The following ANO3 variants were observed in gnomAD, a reference collection of about 807,000 sequenced individuals.
ANO3 encodes anoctamin 3, also known as anoctamin-3.
Under a neutral mutation model 144.8 loss-of-function variants are expected in ANO3, and 99 were observed. The ratio of observed to expected loss-of-function variants is 0.68; its 90% CI spans 0.58 to 0.81. ANO3 has a LOEUF of 0.81. ANO3 is among the 30% of genes least tolerant of loss of function. The probability of loss-of-function intolerance (pLI) is 0.00; values close to 1 mark genes in which losing one functional copy is unlikely to be tolerated. For synonymous variants in ANO3, 414 were observed against 392.6 expected, an observed-to-expected ratio of 1.05 and a Z score of -0.64; for missense variants, 905 against 1,202.2, an observed-to-expected ratio of 0.75 and a Z score of 3.66.
intron 1 of ANO3, among the ~76,000 whole-genome samples, chr11:26,355,206 T>A (rs1855747830): frequency 6.6e-6 from 1 of 152,154 alleles, no homozygotes; most frequent in Middle Eastern, 3.2e-3. Context: ...TGAGACATGT[T>A]CTCCAGCAGC....
Position 26,508,325 on chromosome 11 carries a change from G to A in ANO3, c.591+63G>A, listed in dbSNP as rs771260539. Reference sequence around the variant, plus strand: ...TGTTGGAACAGATATAATCACTTATGGTTTAGAAAGAAAAATATGTATCAC... The same window carrying A: ...TGTTGGAACAGATATAATCACTTATAGTTTAGAAAGAAAAATATGTATCAC... On this transcript the variant is annotated intron_variant, in intron 5 of 26. Coordinates refer to ENST00000256737, the MANE Select transcript of ANO3 (RefSeq NM_031418.4). 14 of 1,434,704 alleles carry A rather than the reference G, an allele frequency of 9.8e-6. No individual in the cohort carries two copies. In the East Asian group the frequency reaches 3.0e-4, roughly 31 times the overall value. 88.9% of individuals were successfully genotyped at this position (1,434,704 alleles called of 1,614,324 possible).
intron 3 of ANO3, among the ~76,000 whole-genome samples, chr11:26,448,728 TTTTCAGTTATGACAG>T (rs1858803137): frequency 1.3e-5 from 1 of 79,194 alleles, no homozygotes; most frequent in Non-Finnish European, 2.7e-5. Flanking sequence ...AGGAACATAT[TTTTCAGTTATGACAG>T]TCTCACAGTC....
intron 24 of ANO3, among the ~76,000 whole-genome samples, chr11:26,655,595 C>A (rs72881791): frequency 0.024 from 3,674 of 152,174 alleles, 54 homozygotes; most frequent in South Asian, 0.04. Flanking sequence ...TTGTGTGCAT[C>A]TCTCTCCCCT....
chr11:26,209,524 C>T (rs866603028), intron 1 of ANO3, among the ~76,000 whole-genome samples: 4 of 152,110 alleles, frequency 2.6e-5, no homozygotes, highest in African/African-American at 7.2e-5. Context: ...TGGGATTGCT[C>T]GGTCAAATGT....
At chr11:26,379,659 G>T (rs1856530356) in intron 1 of ANO3, among the ~76,000 whole-genome samples, 1 of 152,016 alleles carries the variant, frequency 6.6e-6, no homozygotes, top group Admixed American at 6.6e-5. Flanking sequence ...TGGGTATCAT[G>T]GCATGCACCT....
At chr11:26,516,770 C>A in intron 5 of ANO3, 57 bp from the exon 6 acceptor site, 2 of 1,206,392 alleles carry the variant, frequency 1.7e-6, no homozygotes, top group Non-Finnish European at 1.2e-6. Context: ...CAAACTGTGG[C>A]ATGATATCAT....
At position 26,656,275 on chromosome 11, in the gene ANO3, G is replaced by C. The variant is rs923840595; in HGVS notation, c.2657+70G>C. 10 of 1,500,046 alleles carry C rather than the reference G, an allele frequency of 6.7e-6. No individual in the cohort carries two copies. The African/African-American group carries it at 1.4e-4, about 21-fold the overall frequency. 92.9% of individuals were successfully genotyped at this position (1,500,046 alleles called of 1,614,324 possible). A position where few individuals can be genotyped will look rare whatever the true frequency, so the allele number is the denominator to read the frequency against. ...GTACTCCCCCCTGCATGTTAATGAG[G>C]ACATTTAAACTGTTATTTTGGCATT... On this transcript the variant is annotated intron_variant, in intron 25 of 26. Transcript: ENST00000256737.
In ANO3 at chr11:26,275,880, G is replaced by A. The variant is rs565065431; in HGVS notation, c.155-33765G>A. Among the ~76,000 whole-genome samples the A allele has an allele frequency of 6.6e-5, 10 of 152,180 alleles. 1 individual carries two copies. Among genetic ancestry groups the A allele is most frequent in the African/African-American group, 1.2e-4 (5 of 41,528 alleles). ...TTAAATAATCTTGCTTTTAATTCTCGTTTGGTTGCTTTCTAAATATGTGAC... is the reference window on the plus strand; with the variant it reads ...TTAAATAATCTTGCTTTTAATTCTCATTTGGTTGCTTTCTAAATATGTGAC... On this transcript the variant is annotated intron_variant, in intron 1 of 27. Coordinates refer to the ANO3 transcript ENST00000672621.
intron 17 of ANO3, among the ~76,000 whole-genome samples, chr11:26,620,077 T>C (rs192969664): frequency 6.6e-6 from 1 of 152,290 alleles, no homozygotes; most frequent in East Asian, 1.9e-4. Flanking sequence ...AAACCGAGAA[T>C]TGCTCTTTCC....
intron 1 of ANO3, among the ~76,000 whole-genome samples, chr11:26,371,550 T>G (rs1011163890): frequency 9.2e-5 from 14 of 152,144 alleles, no homozygotes; most frequent in Admixed American, 6.5e-5. Context: ...GCTTGCACCA[T>G]GCACCTGGAA....
chr11:26,592,214 A>G (rs1248194324), intron 14 of ANO3, among the ~76,000 whole-genome samples: 3 of 152,150 alleles, frequency 2.0e-5, no homozygotes, highest in African/African-American at 7.2e-5. Context: ...ACGGATTCTT[A>G]GTAAGGCTAT....
chr11:26,199,316 T>A (rs544068471), intron 1 of ANO3, among the ~76,000 whole-genome samples: 1 of 152,266 alleles, frequency 6.6e-6, no homozygotes, highest in African/African-American at 2.4e-5. Context: ...ATTTTACTTT[T>A]CTCTTCCTCC....
intron 1 of ANO3, among the ~76,000 whole-genome samples, chr11:26,423,309 CT>C (rs142064982): frequency 0.047 from 6,394 of 135,160 alleles, 449 homozygotes; most frequent in African/African-American, 0.15. Flanking sequence ...TACCTTTATA[CT>C]TTTTTTTTTT....
At chr11:26,530,982 A>G (rs1005807686) in intron 7 of ANO3, among the ~76,000 whole-genome samples, 3 of 152,210 alleles carry the variant, frequency 2.0e-5, no homozygotes, top group Non-Finnish European at 2.9e-5. Context: ...TGAGGATAAC[A>G]TAGTTGTCCT....
chr11:26,408,766 G>C (rs28671128), intron 1 of ANO3, among the ~76,000 whole-genome samples: 88,554 of 149,522 alleles, frequency 0.59, 28,239 homozygotes, highest in Admixed American at 0.74. Flanking sequence ...AAAATGTGGC[G>C]CATATACACC....
In ANO3 at chr11:26,463,090, G is replaced by A. The variant is rs996483030; in HGVS notation, c.374G>A (p.Arg125His). The stretch of plus-strand genomic sequence containing the variant: ...GAACACGCTACTTATGACCGATCTC[G>A]TCTCATTAATGACTTTGTTATCAAA... Reference protein sequence around the residue: ...ESEHATYDRSRLINDFVIKDK... With the variant: ...ESEHATYDRSHLINDFVIKDK... Residue 125 changes from arginine (R) to histidine (H), a missense_variant, in exon 4 of 27, where the codon CGT becomes CAT. By Grantham distance (29) the Arg-to-His change is conservative. This residue lies in a region of ANO3 where 174 missense variants were observed against 171.9 expected (regional missense o/e 1.01). Coordinates refer to ENST00000256737, the MANE Select transcript of ANO3 (RefSeq NM_031418.4). 26 of 1,597,044 alleles carry A rather than the reference G, an allele frequency of 1.6e-5. No homozygotes were observed. The South Asian group carries it at 2.0e-4, about 13-fold the overall frequency.
chr11:26,261,259 T>C (rs1448258157), intron 1 of ANO3, among the ~76,000 whole-genome samples: 1 of 152,212 alleles, frequency 6.6e-6, no homozygotes, highest in Non-Finnish European at 1.5e-5. Context: ...ATTTTCAATC[T>C]ACACACTTAT....
intron 1 of ANO3, among the ~76,000 whole-genome samples, chr11:26,261,997 T>C (rs1454050976): frequency 6.6e-6 from 1 of 152,170 alleles, no homozygotes; most frequent in Non-Finnish European, 1.5e-5. Context: ...TTAAGTAAAA[T>C]GTTCAAATGT....
At chr11:26,548,465 AT>A (rs1184945489) in intron 12 of ANO3, among the ~76,000 whole-genome samples, 1 of 151,890 alleles carries the variant, frequency 6.6e-6, no homozygotes, top group East Asian at 1.9e-4. Flanking sequence ...CTTTTGGTCC[AT>A]TTTTTAACCA....
Sources: gnomAD v4.1 joint callset for allele counts (sites outside exome capture counted in the v4.1 genomes callset) on GRCh38, gnomAD v4.1.1 for gene constraint, gnomAD v4.1.1 regional missense constraint, MANE v1.5 for transcripts, NCBI Gene and HGNC (gene_info 2026-07-23, HGNC 2026-07-21) for gene names.